STAP1: variants seen among roughly 807,000 people sequenced by gnomAD.
STAP1 encodes the protein signal transducing adaptor family member 1, also known as signal-transducing adaptor protein 1.
In STAP1, 30 loss-of-function variants were observed where a neutral mutation model predicts 37.8. That is an observed-to-expected ratio of 0.79 (90% CI 0.59 to 1.08). The LOEUF (loss-of-function observed/expected upper bound fraction) is 1.08, where lower values mean the gene tolerates loss of function less well. Among genes scored for constraint, STAP1 ranks in the 50% least tolerant of loss-of-function variants. The pLI is 0.00. For synonymous variants in STAP1, 130 were observed against 116.0 expected (o/e 1.12, Z -0.78); for missense variants, 357 against 349.4 (o/e 1.02, Z -0.17).
chr4:67,582,773 C>T (rs1402030262), intron 5 of STAP1, among the ~76,000 whole-genome samples: 1 of 152,096 alleles, frequency 6.6e-6, no homozygotes, highest in Non-Finnish European at 1.5e-5. Context: ...CTCTACTTTT[C>T]GAGTACCCAT....
intron 8 of STAP1, among the ~76,000 whole-genome samples, chr4:67,601,160 TAA>T (rs1728334164): frequency 6.6e-6 from 1 of 152,134 alleles, no homozygotes; most frequent in African/African-American, 2.4e-5. Flanking sequence ...GAAATACCAT[TAA>T]GTTTTCAAAT....
intron 2 of STAP1, among the ~76,000 whole-genome samples, chr4:67,572,268 A>G (rs1185727978): frequency 6.6e-6 from 1 of 152,228 alleles, no homozygotes; most frequent in Non-Finnish European, 1.5e-5. Context: ...GTTTTAATAA[A>G]TATGCAAAGC....
At chr4:67,560,643 G>GT (rs1727313273) in intron 1 of STAP1, among the ~76,000 whole-genome samples, 105 of 149,606 alleles carry the variant, frequency 7.0e-4, no homozygotes, top group Non-Finnish European at 1.0e-3. Flanking sequence ...TGTGTGTGTG[G>GT]GTGTGTGTCT....
intron 6 of STAP1, among the ~76,000 whole-genome samples, chr4:67,586,524 G>T (rs1469951261): frequency 6.6e-6 from 1 of 152,080 alleles, no homozygotes; most frequent in Non-Finnish European, 1.5e-5. Context: ...CCCTTTTAAG[G>T]TGGTCTAGAT....
chr4:67,562,601 TAAAAAA>T, intron 1 of STAP1, among the ~76,000 whole-genome samples: 1 of 117,264 alleles, frequency 8.5e-6, no homozygotes, highest in South Asian at 2.9e-4. Context: ...CTGTCTCTAC[TAAAAAA>T]AAAAAAAAAA....
At chr4:67,560,643 G>GGGGTGTGTGTGT (rs370510074) in intron 1 of STAP1, among the ~76,000 whole-genome samples, 135 of 149,602 alleles carry the variant, frequency 9.0e-4, no homozygotes, top group Admixed American at 1.7e-3. Context: ...TGTGTGTGTG[G>GGGGTGTGTGTGT]GTGTGTGTCT....
intron 8 of STAP1, among the ~76,000 whole-genome samples, chr4:67,600,915 T>C (rs765919958): frequency 6.6e-6 from 1 of 152,164 alleles, no homozygotes; most frequent in Non-Finnish European, 1.5e-5. Flanking sequence ...AGTCTTGTTT[T>C]TTATCCTTTC....
At chr4:67,590,283 G>A (rs1207829648) in intron 6 of STAP1, among the ~76,000 whole-genome samples, 1 of 152,070 alleles carries the variant, frequency 6.6e-6, no homozygotes, top group Non-Finnish European at 1.5e-5. Context: ...AAGACAATAC[G>A]ATTCATGTAA....
intron 2 of STAP1, among the ~76,000 whole-genome samples, chr4:67,573,652 G>A (rs538635251): frequency 1.3e-5 from 2 of 152,116 alleles, no homozygotes; most frequent in South Asian, 4.1e-4. Context: ...TGTTTATCAT[G>A]ATGTTTTAAA....
At chr4:67,571,598 C>T (rs1211041209) in intron 2 of STAP1, among the ~76,000 whole-genome samples, 1 of 152,116 alleles carries the variant, frequency 6.6e-6, no homozygotes, top group Non-Finnish European at 1.5e-5. Context: ...AACATATTCA[C>T]AAAGCAGGAC....
At chr4:67,605,803 G>C (rs1369838046) in intron 8 of STAP1, among the ~76,000 whole-genome samples, 1 of 152,206 alleles carries the variant, frequency 6.6e-6, no homozygotes. Flanking sequence ...GTGGCACAGT[G>C]AGACTGCTAG....
At chr4:67,590,512 T>C (rs1277553044) in intron 6 of STAP1, among the ~76,000 whole-genome samples, 1 of 152,170 alleles carries the variant, frequency 6.6e-6, no homozygotes, top group Non-Finnish European at 1.5e-5. Context: ...GGAGAATATA[T>C]ATTTGATTTT....
chr4:67,579,428 T>C (rs558110043), intron 4 of STAP1, among the ~76,000 whole-genome samples: 1 of 152,298 alleles, frequency 6.6e-6, no homozygotes, highest in African/African-American at 2.4e-5. Flanking sequence ...TGCTTGATTT[T>C]TTTTTCTATT....
At chr4:67,560,308 A>G (rs935831675) in intron 1 of STAP1, among the ~76,000 whole-genome samples, 3 of 152,208 alleles carry the variant, frequency 2.0e-5, no homozygotes, top group Admixed American at 6.5e-5. Flanking sequence ...TGTTTCAACT[A>G]TAAGATAGAG....
At chr4:67,603,965 C>A (rs1454684806) in intron 8 of STAP1, among the ~76,000 whole-genome samples, 1 of 152,126 alleles carries the variant, frequency 6.6e-6, no homozygotes. Flanking sequence ...GTGTTTGTGG[C>A]CTAAACTGCC....
At chr4:67,600,362 T>A (rs1055163833) in intron 8 of STAP1, among the ~76,000 whole-genome samples, 1 of 152,162 alleles carries the variant, frequency 6.6e-6, no homozygotes, top group Non-Finnish European at 1.5e-5. Flanking sequence ...TGGTTGGAGA[T>A]GATGCTTGAT....
In STAP1 at chr4:67,607,031, TGGAAC is replaced by T. The variant is rs1728464845; in HGVS notation, c.*675_*679del. The T allele has an allele frequency of 6.6e-6, 1 of 152,196 alleles. No individual in the cohort carries two copies. The highest frequency in any genetic ancestry group is 2.4e-5 in the African/African-American group (1 of 41,458). The allele number at this position is 152,196 out of a possible 1,614,324, so 9.4% of individuals were successfully genotyped here. ...TAAGTACCTGGAGTTCTTAAAAATATGGAACCATCAGCCCCAGACTGCATCTACTG... is the reference window on the plus strand; with the variant it reads ...TAAGTACCTGGAGTTCTTAAAAATATCATCAGCCCCAGACTGCATCTACTG... On this transcript the variant is annotated 3_prime_UTR_variant, in exon 9 of 9. Transcript: ENST00000265404.
At chr4:67,571,446 G>A (rs900544840) in intron 2 of STAP1, among the ~76,000 whole-genome samples, 2 of 152,068 alleles carry the variant, frequency 1.3e-5, no homozygotes, top group African/African-American at 4.8e-5. Flanking sequence ...CAAGACATCT[G>A]CACATATATT....
At chr4:67,583,323 C>T (rs1424365429) in intron 5 of STAP1, among the ~76,000 whole-genome samples, 1 of 152,160 alleles carries the variant, frequency 6.6e-6, no homozygotes, top group Non-Finnish European at 1.5e-5. Flanking sequence ...CAGTAGATAA[C>T]TTTTCAGGTT....
Sources: allele counts gnomAD v4.1 joint callset (sites outside exome capture counted in the v4.1 genomes callset), GRCh38; gene constraint gnomAD v4.1.1; transcripts MANE v1.5; gene names NCBI Gene and HGNC (gene_info 2026-07-23, HGNC 2026-07-21).